The following PALM2AKAP2 variants were observed in gnomAD, a reference collection of about 807,000 sequenced individuals.
PALM2AKAP2 encodes the protein PALM2-AKAP2 fusion protein.
Under a neutral mutation model 71.5 loss-of-function variants are expected in PALM2AKAP2, and 37 were observed. The observed-to-expected ratio is 0.52, with a 90% CI of 0.40 to 0.68. PALM2AKAP2 has a LOEUF of 0.68. PALM2AKAP2 is among the 30% of genes least tolerant of loss of function. The pLI, the probability that PALM2AKAP2 is intolerant of heterozygous loss-of-function variation, is 0.00. For missense variants in PALM2AKAP2, 1,224 were observed against 1,191.8 expected (o/e 1.03, Z -0.40); for synonymous variants, 468 against 478.8 (o/e 0.98, Z 0.29).
intron 1 of PALM2AKAP2, among the ~76,000 whole-genome samples, chr9:109,690,197 A>G (rs958721904): frequency 1.3e-5 from 2 of 152,212 alleles, no homozygotes; most frequent in African/African-American, 2.4e-5. Flanking sequence ...TATATACAAG[A>G]TAATGCTTGT....
At chr9:109,678,039 G>A (rs1158350916) in intron 1 of PALM2AKAP2, among the ~76,000 whole-genome samples, 2 of 152,150 alleles carry the variant, frequency 1.3e-5, no homozygotes, top group Admixed American at 6.5e-5. Context: ...TGAGCAAGGA[G>A]GGGGGAAAAC....
rs199807500 is a variant in PALM2AKAP2, at chr9:110,100,259, C to T, written c.157-35868C>T. Among the ~76,000 whole-genome samples the T allele has an allele frequency of 1.4e-4, 22 of 152,030 alleles. No individual in the cohort carries two copies. The East Asian group carries it at 4.3e-3, about 29-fold the overall frequency. On this transcript the variant is annotated intron_variant, in intron 1 of 3. Transcript: ENST00000374525. ...TTAGGAAAAGGTGAAGGCTGCCTTG[C>T]TGCCGTCCTGGAAGATTGAGACAGT...
chr9:109,912,886 C>G (rs1051521514), intron 3 of PALM2AKAP2, among the ~76,000 whole-genome samples: 1 of 152,170 alleles, frequency 6.6e-6, no homozygotes, highest in South Asian at 2.1e-4. Flanking sequence ...AATTCACCCC[C>G]GATTAGTTTT....
chr9:109,943,499 A>T (rs2132047464), intron 6 of PALM2AKAP2: 1 of 1,494,682 alleles, frequency 6.7e-7, no homozygotes, highest in East Asian at 2.3e-5. Flanking sequence ...TGTACCACTA[A>T]CTGCAATACT....
intron 1 of PALM2AKAP2, among the ~76,000 whole-genome samples, chr9:109,831,785 T>C (rs1564169311): frequency 2.6e-5 from 4 of 152,224 alleles, no homozygotes; most frequent in Admixed American, 2.0e-4. Context: ...ACTATTTAAG[T>C]CAGTATGGAA....
chr9:109,640,874 T>C lies in PALM2AKAP2; in HGVS notation c.5+8T>C, dbSNP rs569013429. 23 of 1,514,844 alleles carry C rather than the reference T, an allele frequency of 1.5e-5. No individual in the cohort carries two copies. The East Asian group carries it at 5.2e-4, about 35-fold the overall frequency. 93.8% of individuals were successfully genotyped at this position (1,514,844 alleles called of 1,614,324 possible). ...GCGGAGCCCCGCGATGGAGTGAGTATCCCCGAGCCGCGCCGCCAGCTGCTC... is the reference window on the plus strand; with the variant it reads ...GCGGAGCCCCGCGATGGAGTGAGTACCCCCGAGCCGCGCCGCCAGCTGCTC... On this transcript the variant is annotated splice_region_variant and intron_variant, in intron 1 of 6. Transcript: ENST00000374531.
exon 4 of PALM2AKAP2, chr9:110,170,178 A>G (rs1441675026): frequency 2.6e-5 from 4 of 152,478 alleles, no homozygotes; most frequent in Non-Finnish European, 5.9e-5. Context: ...AAATTTCTGG[A>G]TGAGAAAATT....
At chr9:109,681,432 G>T (rs13284422) in intron 1 of PALM2AKAP2, among the ~76,000 whole-genome samples, 1 of 152,146 alleles carries the variant, frequency 6.6e-6, no homozygotes, top group East Asian at 1.9e-4. Flanking sequence ...GTTGTTGAGG[G>T]TTTATGTGTG....
chr9:109,811,173 G>A (rs759371164), intron 1 of PALM2AKAP2, among the ~76,000 whole-genome samples: 7 of 152,200 alleles, frequency 4.6e-5, no homozygotes, highest in Non-Finnish European at 8.8e-5. Context: ...ATCAGGTCTT[G>A]GGTGTGTCTC....
intron 2 of PALM2AKAP2, among the ~76,000 whole-genome samples, chr9:110,147,165 C>T (rs907718825): frequency 3.3e-5 from 5 of 151,386 alleles, no homozygotes; most frequent in African/African-American, 1.2e-4. Context: ...GCAGGAGAAT[C>T]GCCTGAACCT....
intron 6 of PALM2AKAP2, among the ~76,000 whole-genome samples, chr9:110,005,576 T>C (rs1832762126): frequency 6.6e-6 from 1 of 152,236 alleles, no homozygotes; most frequent in African/African-American, 2.4e-5. Context: ...CATTTAAGTC[T>C]GCAGAGGTTT....
At chr9:110,099,245 GA>G (rs1402211345) in intron 1 of PALM2AKAP2, among the ~76,000 whole-genome samples, 15 of 152,220 alleles carry the variant, frequency 9.9e-5, no homozygotes, top group Non-Finnish European at 1.5e-5. Context: ...TGTAGAAATA[GA>G]AACCATGGTG....
intron 6 of PALM2AKAP2, among the ~76,000 whole-genome samples, chr9:109,977,004 G>A (rs1832183646): frequency 6.6e-6 from 1 of 151,850 alleles, no homozygotes; most frequent in South Asian, 2.1e-4. Context: ...ACTTCACAGT[G>A]CATCCAGTTC....
intron 7 of PALM2AKAP2, among the ~76,000 whole-genome samples, chr9:110,035,819 AT>A: frequency 6.9e-6 from 1 of 145,424 alleles, no homozygotes; most frequent in Non-Finnish European, 1.5e-5. Context: ...TAACATATAT[AT>A]GATATGTTGT....
intron 3 of PALM2AKAP2, among the ~76,000 whole-genome samples, chr9:109,887,716 A>G (rs1026867181): frequency 3.3e-5 from 5 of 152,308 alleles, no homozygotes; most frequent in African/African-American, 1.2e-4. Context: ...ATGGAAGGAC[A>G]TACAAGATGA....
chr9:109,774,986 G>A (rs148408397), intron 1 of PALM2AKAP2, among the ~76,000 whole-genome samples: 1 of 152,284 alleles, frequency 6.6e-6, no homozygotes, highest in Non-Finnish European at 1.5e-5. Flanking sequence ...GAATAACACA[G>A]TATTTAAACT....
chr9:109,950,523 T>G (rs1831612266), intron 6 of PALM2AKAP2, among the ~76,000 whole-genome samples: 2 of 152,180 alleles, frequency 1.3e-5, no homozygotes, highest in Non-Finnish European at 2.9e-5. Context: ...CTCCTCTGTC[T>G]GGCTAACAGA....
intron 7 of PALM2AKAP2, among the ~76,000 whole-genome samples, chr9:110,034,275 A>G (rs1474356068): frequency 1.3e-5 from 2 of 152,134 alleles, no homozygotes; most frequent in Non-Finnish European, 2.9e-5. Flanking sequence ...CTCCTGCCTC[A>G]GTCTCCTAAG....
At position 110,084,717 on chromosome 9, in the gene PALM2AKAP2, A is replaced by G. The variant is rs372792215; in HGVS notation, c.156+35862A>G. Among the ~76,000 whole-genome samples the G allele has an allele frequency of 1.9e-3, 293 of 152,174 alleles. 2 individuals carry two copies. Among genetic ancestry groups the G allele is most frequent in the South Asian group, 0.013 (62 of 4,828 alleles). On this transcript the variant is annotated intron_variant, in intron 1 of 3. Coordinates refer to ENST00000374525, the Ensembl canonical transcript of PALM2AKAP2. ...GTGGGTGTTCACTACACGTGCTACC[A>G]TACTTTGTTTGTTTGTTTGTTTTTC...
Sources: gnomAD v4.1 joint callset for allele counts (sites outside exome capture counted in the v4.1 genomes callset) on GRCh38, gnomAD v4.1.1 for gene constraint, MANE v1.5 for transcripts, NCBI Gene and HGNC (gene_info 2026-07-23, HGNC 2026-07-21) for gene names.